The following RBFOX1 variants were observed in gnomAD, a reference collection of about 807,000 sequenced individuals.
The protein encoded by RBFOX1 is RNA binding fox-1 homolog 1.
Under a neutral mutation model 57.7 loss-of-function variants are expected in RBFOX1, and 8 were observed. That is an observed-to-expected ratio of 0.14 (90% CI 0.08 to 0.25). The LOEUF (loss-of-function observed/expected upper bound fraction) is 0.25, where lower values mean the gene tolerates loss of function less well. Ranked by LOEUF, RBFOX1 falls within the 10% of genes least tolerant of loss-of-function variation. The pLI is 1.00. For synonymous variants in RBFOX1, 326 were observed against 222.4 expected (o/e 1.47, Z -4.15); for missense variants, 611 against 548.5 (o/e 1.11, Z -1.14).
chr16:6,778,328 C>G (rs1207771427), intron 3 of RBFOX1, among the ~76,000 whole-genome samples: 3 of 152,160 alleles, frequency 2.0e-5, no homozygotes, highest in East Asian at 3.9e-4. Context: ...CCTCATGTAC[C>G]CATCCCCAGA....
intron 3 of RBFOX1, among the ~76,000 whole-genome samples, chr16:6,911,324 A>G (rs1018608890): frequency 6.6e-6 from 1 of 152,002 alleles, no homozygotes; most frequent in Admixed American, 6.6e-5. Context: ...TTTGCCTTAC[A>G]CTTGTGGAGG....
At chr16:7,614,428 A>G (rs2058087306) in intron 10 of RBFOX1, 1 of 147,068 alleles carries the variant, frequency 6.8e-6, no homozygotes, top group Admixed American at 6.7e-5. Context: ...GTCCTTCTAG[A>G]TCCCACAGAG....
At chr16:6,785,727 A>G (rs1366342530) in intron 3 of RBFOX1, among the ~76,000 whole-genome samples, 2 of 152,224 alleles carry the variant, frequency 1.3e-5, no homozygotes, top group African/African-American at 2.4e-5. Context: ...TCATATGAAT[A>G]TGAAATACCA....
intron 2 of RBFOX1, among the ~76,000 whole-genome samples, chr16:6,608,830 G>A (rs569095143): frequency 3.9e-5 from 6 of 152,378 alleles, no homozygotes; most frequent in African/African-American, 1.4e-4. Flanking sequence ...GAAGTCTGCA[G>A]TGTGTCTCAC....
intron 4 of RBFOX1, among the ~76,000 whole-genome samples, chr16:7,196,255 G>A (rs559459034): frequency 1.2e-4 from 18 of 152,230 alleles, no homozygotes; most frequent in Non-Finnish European, 1.8e-4. Context: ...TTGTGTGCAT[G>A]GTGAATGTAA....
chr16:6,948,934 C>G (rs1342245490), intron 3 of RBFOX1, among the ~76,000 whole-genome samples: 3 of 152,094 alleles, frequency 2.0e-5, no homozygotes, highest in African/African-American at 7.2e-5. Flanking sequence ...GTTATACCAT[C>G]CTACGTTGTG....
At chr16:6,250,420 A>G (rs1215950865) in intron 1 of RBFOX1, among the ~76,000 whole-genome samples, 1 of 152,138 alleles carries the variant, frequency 6.6e-6, no homozygotes, top group Non-Finnish European at 1.5e-5. Context: ...CGGAGGTGGG[A>G]TTCTAGATTA....
chr16:6,020,358 C>T (rs994425483), intron 1 of RBFOX1, among the ~76,000 whole-genome samples: 2 of 152,126 alleles, frequency 1.3e-5, no homozygotes, highest in African/African-American at 4.8e-5. Flanking sequence ...TGGCCGGCTG[C>T]AAGCGTGCAC....
intron 11 of RBFOX1, among the ~76,000 whole-genome samples, chr16:7,634,538 C>A (rs954919630): frequency 1.3e-5 from 2 of 152,148 alleles, no homozygotes; most frequent in Admixed American, 1.3e-4. Context: ...CTGAAGTTAT[C>A]TGCTTTTGAT....
At chr16:7,028,858 C>G (rs549446369) in intron 3 of RBFOX1, among the ~76,000 whole-genome samples, 1 of 150,668 alleles carries the variant, frequency 6.6e-6, no homozygotes, top group African/African-American at 2.4e-5. Context: ...GTGGGCATCG[C>G]TTGGATCTGA....
At chr16:7,469,937 C>G (rs73500343) in intron 4 of RBFOX1, among the ~76,000 whole-genome samples, 1 of 151,588 alleles carries the variant, frequency 6.6e-6, no homozygotes, top group Non-Finnish European at 1.5e-5. Flanking sequence ...CATTATTTGT[C>G]TTTTTGTGAC....
intron 2 of RBFOX1, among the ~76,000 whole-genome samples, chr16:6,559,398 C>G (rs889439915): frequency 6.6e-6 from 1 of 151,716 alleles, no homozygotes; most frequent in Non-Finnish European, 1.5e-5. Context: ...AGATATAGAT[C>G]CACACACAGC....
chr16:5,599,122 C>A, exon 3 of RBFOX1: 1 of 728,650 alleles, frequency 1.4e-6, no homozygotes, highest in Non-Finnish European at 2.3e-6. Context: ...TTTTCCAGAG[C>A]ACTTGCACAA....
At chr16:6,784,095 G>A (rs1173882201) in intron 3 of RBFOX1, among the ~76,000 whole-genome samples, 1 of 151,988 alleles carries the variant, frequency 6.6e-6, no homozygotes, top group African/African-American at 2.4e-5. Context: ...TTGAGAATTT[G>A]ATTATTGTAT....
intron 1 of RBFOX1, among the ~76,000 whole-genome samples, chr16:6,081,834 T>G (rs970937590): frequency 1.3e-5 from 2 of 152,144 alleles, no homozygotes; most frequent in African/African-American, 2.4e-5. Flanking sequence ...GCAGCTACGC[T>G]TGGTTTCTTG....
rs865798218 is a variant in RBFOX1, at chr16:7,432,334, G to C, written c.28-85813G>C. Among the ~76,000 whole-genome samples, 50 of 152,170 alleles carry C rather than the reference G, an allele frequency of 3.3e-4. 2 individuals carry two copies. The highest frequency in any genetic ancestry group is 1.8e-3 in the Admixed American group (28 of 15,282). On this transcript the variant is annotated intron_variant, in intron 4 of 15. Coordinates refer to ENST00000550418, the MANE Select transcript of RBFOX1 (RefSeq NM_018723.4). ...GCACAAATAACTCCCAGAGAGAAGG[G>C]TAATCTGCTACCCCACTCATCTTTA... is the stretch of plus-strand genomic sequence containing the variant.
chr16:7,365,414 C>G (rs1189761228), intron 4 of RBFOX1, among the ~76,000 whole-genome samples: 3 of 152,168 alleles, frequency 2.0e-5, no homozygotes, highest in Non-Finnish European at 4.4e-5. Flanking sequence ...ACAAAAGAAC[C>G]TTGTTAGTTA....
intron 3 of RBFOX1, among the ~76,000 whole-genome samples, chr16:7,009,716 C>T (rs1042672049): frequency 3.3e-5 from 5 of 152,130 alleles, no homozygotes; most frequent in Non-Finnish European, 1.5e-5. Context: ...TTGAGCCAAC[C>T]TAATCAGCCT....
chr16:5,773,602 C>T (rs2054049211), intron 3 of RBFOX1, among the ~76,000 whole-genome samples: 1 of 152,176 alleles, frequency 6.6e-6, no homozygotes, highest in Non-Finnish European at 1.5e-5. Flanking sequence ...TAACAGTGAA[C>T]ATTTTTGCAA....
Sources: allele counts gnomAD v4.1 joint callset (sites outside exome capture counted in the v4.1 genomes callset), GRCh38; gene constraint gnomAD v4.1.1; transcripts MANE v1.5; gene names NCBI Gene and HGNC (gene_info 2026-07-23, HGNC 2026-07-21).